Variants in ARHGAP18 observed in about 807,000 individuals in gnomAD.
The protein encoded by ARHGAP18 is Rho GTPase activating protein 18, also known as rho GTPase-activating protein 18.
A neutral mutation model predicts 86.2 loss-of-function variants in ARHGAP18; 67 were observed. The ratio of observed to expected loss-of-function variants is 0.78; its 90% CI spans 0.64 to 0.95. The LOEUF (loss-of-function observed/expected upper bound fraction) is 0.95. ARHGAP18 is among the 40% of genes least tolerant of loss of function. The probability of loss-of-function intolerance (pLI) is 0.00; values close to 1 mark genes in which losing one functional copy is unlikely to be tolerated. For synonymous variants in ARHGAP18, 283 were observed against 280.4 expected (o/e 1.01, Z -0.09); for missense variants, 691 against 780.4 (o/e 0.89, Z 1.37).
chr6:129,643,226 G>A (rs145723701), intron 1 of ARHGAP18, among the ~76,000 whole-genome samples: 1,713 of 152,108 alleles, frequency 0.011, 35 homozygotes, highest in African/African-American at 0.039. Flanking sequence ...ATATGGTTTG[G>A]CTATGTCCCC....
In ARHGAP18 at chr6:129,593,186, G is replaced by A. The variant is rs904225491; in HGVS notation, c.1713+6030C>T. Among the ~76,000 whole-genome samples the A allele has an allele frequency of 2.0e-5, 3 of 152,106 alleles. No individual in the cohort carries two copies. In the East Asian group the frequency reaches 5.8e-4, roughly 29 times the overall value. ...TTCTAAAATAATATTACCAGGCCAG[G>A]TGCAGTGGCTTACACCTGTAATCTC... On this transcript the variant is annotated intron_variant, in intron 12 of 14. Transcript: ENST00000368149.
intron 5 of ARHGAP18, among the ~76,000 whole-genome samples, chr6:129,626,063 T>TAC (rs1220136567): frequency 0.019 from 540 of 28,356 alleles, 5 homozygotes; most frequent in Middle Eastern, 0.04. Flanking sequence ...TATATACACA[T>TAC]ATACACACAC....
At chr6:129,625,142 T>TTA (rs1789339962) in intron 5 of ARHGAP18, among the ~76,000 whole-genome samples, 1 of 2,558 alleles carries the variant, frequency 3.9e-4, no homozygotes, top group Non-Finnish European at 5.7e-4. Context: ...ATGATATATA[T>TTA]TATATATTAT....
At chr6:129,696,977 G>A (rs1231436378) in intron 1 of ARHGAP18, among the ~76,000 whole-genome samples, 1 of 152,122 alleles carries the variant, frequency 6.6e-6, no homozygotes. Context: ...TCGAATCTAG[G>A]TTGGCCTATG....
intron 11 of ARHGAP18, among the ~76,000 whole-genome samples, chr6:129,599,765 C>T (rs1211089462): frequency 3.3e-5 from 5 of 152,050 alleles, no homozygotes; most frequent in African/African-American, 9.7e-5. Flanking sequence ...ACCAGCTAGC[C>T]GCTGCTGTCA....
At chr6:129,655,318 A>C (rs74712320) in intron 1 of ARHGAP18, among the ~76,000 whole-genome samples, 1 of 59,366 alleles carries the variant, frequency 1.7e-5, no homozygotes, top group Non-Finnish European at 3.4e-5. Context: ...AAACTCTCTC[A>C]AAAAAAAAAA....
chr6:129,607,623 T>C (rs1788881336), intron 9 of ARHGAP18, among the ~76,000 whole-genome samples: 1 of 152,134 alleles, frequency 6.6e-6, no homozygotes, highest in Admixed American at 6.6e-5. Flanking sequence ...AGTTTCCAGG[T>C]TTTAACACTG....
In ARHGAP18 at chr6:129,700,339, A is replaced by G. The variant is rs1226566375; in HGVS notation, c.113+9685T>C. ...ATGATTTTCCATCTTATTAAGAGTA[A>G]CAAACACTCTGCAACTTTATAGCTA... On this transcript the variant is annotated intron_variant, in intron 1 of 14. Coordinates refer to ENST00000368149, the MANE Select transcript of ARHGAP18 (RefSeq NM_033515.3). Among the ~76,000 whole-genome samples, 4 of 152,212 alleles carry G rather than the reference A, an allele frequency of 2.6e-5. No individual in the cohort carries two copies. The East Asian group carries it at 7.7e-4, about 29-fold the overall frequency.
At chr6:129,703,759 C>T (rs1200319713) in intron 1 of ARHGAP18, among the ~76,000 whole-genome samples, 3 of 152,048 alleles carry the variant, frequency 2.0e-5, no homozygotes, top group African/African-American at 7.2e-5. Context: ...GAAGAAAATG[C>T]CTTTACAAAG....
chr6:129,689,837 G>T (rs1283072718), intron 1 of ARHGAP18, among the ~76,000 whole-genome samples: 4 of 152,104 alleles, frequency 2.6e-5, no homozygotes, highest in African/African-American at 9.7e-5. Flanking sequence ...CTGGAAAACA[G>T]CATTCCTGGA....
chr6:129,638,457 GT>G lies in ARHGAP18; in HGVS notation c.488del (p.Asn163ThrfsTer55), dbSNP rs749346165. The G allele has an allele frequency of 2.2e-5, 35 of 1,613,824 alleles. No individual in the cohort carries two copies. Among genetic ancestry groups the G allele is most frequent in the Non-Finnish European group, 2.8e-5 (33 of 1,179,956 alleles). On this transcript the variant is annotated frameshift_variant, in exon 3 of 15. Coordinates refer to ENST00000368149, the MANE Select transcript of ARHGAP18 (RefSeq NM_033515.3). LOFTEE classifies it high-confidence loss of function. ...TGACGTCAGGAATCTGGTACTGTTT[GT>G]TTTTTTTCCTCAAGGTCTGGGAGAC... The part of the protein sequence containing the change: ...ETVSQTLRKK[N>X]KQYQIPDVRD...
chr6:129,643,468 T>A (rs1584082258), intron 1 of ARHGAP18, among the ~76,000 whole-genome samples: 2 of 152,334 alleles, frequency 1.3e-5, no homozygotes, highest in East Asian at 3.9e-4. Context: ...TCTGCCATGA[T>A]TTAAGTTTCC....
At chr6:129,656,319 G>C (rs1166824390) in intron 1 of ARHGAP18, among the ~76,000 whole-genome samples, 1 of 152,164 alleles carries the variant, frequency 6.6e-6, no homozygotes, top group African/African-American at 2.4e-5. Flanking sequence ...CATAGGCAAG[G>C]ACAAGATGCC....
At chr6:129,688,737 A>C (rs976491831) in intron 1 of ARHGAP18, among the ~76,000 whole-genome samples, 10 of 152,126 alleles carry the variant, frequency 6.6e-5, no homozygotes, top group Non-Finnish European at 1.2e-4. Flanking sequence ...GGTTGCAGTG[A>C]GCCGAGATCG....
chr6:129,596,539 C>T (rs1382553554), intron 12 of ARHGAP18, among the ~76,000 whole-genome samples: 1 of 152,014 alleles, frequency 6.6e-6, no homozygotes, highest in Admixed American at 6.6e-5. Flanking sequence ...CCTAGATTTA[C>T]TTTTATTTTT....
chr6:129,675,333 G>A (rs1448676722), intron 1 of ARHGAP18, among the ~76,000 whole-genome samples: 2 of 148,552 alleles, frequency 1.3e-5, no homozygotes, highest in Admixed American at 1.4e-4. Context: ...GCAGTGAACC[G>A]AGACCGCGCC....
chr6:129,638,704 T>A (rs1322300340), intron 2 of ARHGAP18, 75 bp from the exon 3 acceptor site: 10 of 1,384,922 alleles, frequency 7.2e-6, no homozygotes, highest in Non-Finnish European at 9.8e-6. Flanking sequence ...TGTTAAAAAT[T>A]CTTACTAAAA....
At chr6:129,617,024 G>C (rs1789112975) in intron 6 of ARHGAP18, among the ~76,000 whole-genome samples, 1 of 152,130 alleles carries the variant, frequency 6.6e-6, no homozygotes, top group Non-Finnish European at 1.5e-5. Context: ...TTACAATACA[G>C]CAAAATACAA....
At chr6:129,650,957 G>T (rs1224022605) in intron 1 of ARHGAP18, among the ~76,000 whole-genome samples, 1 of 152,140 alleles carries the variant, frequency 6.6e-6, no homozygotes, top group Non-Finnish European at 1.5e-5. Context: ...ACGCTGTGAT[G>T]ATCTGCTTGT....
Sources: allele counts gnomAD v4.1 joint callset (sites outside exome capture counted in the v4.1 genomes callset), GRCh38; gene constraint gnomAD v4.1.1; transcripts MANE v1.5; gene names NCBI Gene and HGNC (gene_info 2026-07-23, HGNC 2026-07-21).